Variants in CDC42BPA observed in about 807,000 individuals in gnomAD.
CDC42BPA encodes the protein CDC42 binding protein kinase alpha.
Under a neutral mutation model 223.5 loss-of-function variants are expected in CDC42BPA, and 80 were observed. That is an observed-to-expected ratio of 0.36 (90% confidence interval 0.30 to 0.43). The LOEUF is 0.43. Ranked by LOEUF, CDC42BPA falls within the 20% of genes least tolerant of loss-of-function variation. CDC42BPA has a pLI of 1.00. For missense variants in CDC42BPA, 1,743 were observed against 2,099.9 expected, an observed-to-expected ratio of 0.83 and a Z score of 3.32; for synonymous variants, 694 against 718.6, an observed-to-expected ratio of 0.97 and a Z score of 0.55.
chr1:227,116,069 C>G (rs1306989595), intron 12 of CDC42BPA, among the ~76,000 whole-genome samples: 2 of 152,142 alleles, frequency 1.3e-5, no homozygotes, highest in Non-Finnish European at 2.9e-5. Flanking sequence ...TGCTTGGTCT[C>G]ACCATTCATA....
At chr1:227,080,358 A>C (rs1225799170) in intron 17 of CDC42BPA, among the ~76,000 whole-genome samples, 1 of 152,196 alleles carries the variant, frequency 6.6e-6, no homozygotes, top group Non-Finnish European at 1.5e-5. Flanking sequence ...AAGGTTACTA[A>C]GATGAATATT....
intron 5 of CDC42BPA, among the ~76,000 whole-genome samples, chr1:227,187,689 CAAA>C (rs57854182): frequency 2.1e-4 from 12 of 56,204 alleles, no homozygotes; most frequent in African/African-American, 7.2e-4. Context: ...ACCCCCCCCC[CAAA>C]AAAAAAAAAC....
At chr1:227,102,976 A>C (rs987807993) in intron 14 of CDC42BPA, among the ~76,000 whole-genome samples, 28 of 151,886 alleles carry the variant, frequency 1.8e-4, no homozygotes, top group Non-Finnish European at 2.8e-4. Flanking sequence ...CATAAAAAAA[A>C]CCAGTAATTC....
At chr1:227,137,786 T>C (rs1658886347) in intron 10 of CDC42BPA, among the ~76,000 whole-genome samples, 1 of 152,016 alleles carries the variant, frequency 6.6e-6, no homozygotes, top group Non-Finnish European at 1.5e-5. Flanking sequence ...ATACCATTTA[T>C]ATGAAGATCA....
intron 3 of CDC42BPA, 26 bp downstream of exon 3, chr1:227,213,110 T>G (rs1431180880): frequency 1.0e-5 from 11 of 1,057,280 alleles, no homozygotes; most frequent in African/African-American, 3.2e-5. Context: ...AAAATATTTA[T>G]ATATTCCAAT....
intron 11 of CDC42BPA, among the ~76,000 whole-genome samples, chr1:227,124,976 T>C (rs1031815812): frequency 2.6e-5 from 4 of 152,136 alleles, no homozygotes; most frequent in Non-Finnish European, 4.4e-5. Context: ...CTCAGGACAC[T>C]GGGACCTGAT....
At chr1:227,064,814 C>T (rs1391401795) in intron 21 of CDC42BPA, among the ~76,000 whole-genome samples, 2 of 152,152 alleles carry the variant, frequency 1.3e-5, no homozygotes, top group Admixed American at 6.5e-5. Flanking sequence ...TAACTCAAAC[C>T]CAGTCAGGCA....
intron 1 of CDC42BPA, among the ~76,000 whole-genome samples, chr1:227,304,094 T>C (rs1374107079): frequency 6.6e-6 from 1 of 152,204 alleles, no homozygotes; most frequent in Admixed American, 6.5e-5. Context: ...AATAAATGAC[T>C]ACTCATATAA....
intron 6 of CDC42BPA, among the ~76,000 whole-genome samples, chr1:227,149,805 T>C (rs1010211660): frequency 3.3e-5 from 5 of 152,104 alleles, no homozygotes; most frequent in African/African-American, 1.2e-4. Context: ...ATGGACAAGT[T>C]CAACATAGTA....
intron 32 of CDC42BPA, among the ~76,000 whole-genome samples, chr1:227,022,567 T>A (rs1203615570): frequency 6.6e-6 from 1 of 152,242 alleles, no homozygotes; most frequent in East Asian, 1.9e-4. Flanking sequence ...AAAATGACTT[T>A]ATTATATAGA....
chr1:227,042,092 A>T (rs1671484839), intron 23 of CDC42BPA, among the ~76,000 whole-genome samples: 1 of 152,112 alleles, frequency 6.6e-6, no homozygotes, highest in Non-Finnish European at 1.5e-5. Flanking sequence ...AATGCAAAAG[A>T]CGTGAAGTTA....
chr1:227,213,900 C>G (rs1188682687), intron 2 of CDC42BPA, among the ~76,000 whole-genome samples: 1 of 152,092 alleles, frequency 6.6e-6, no homozygotes, highest in Non-Finnish European at 1.5e-5. Context: ...CAAAAACTAT[C>G]AAATACAATA....
intron 5 of CDC42BPA, among the ~76,000 whole-genome samples, chr1:227,188,115 T>C (rs1288166566): frequency 6.6e-6 from 1 of 152,136 alleles, no homozygotes; most frequent in African/African-American, 2.4e-5. Context: ...ATAAAAACTT[T>C]TACCTTTTAT....
chr1:227,168,069 G>A (rs1456123410), intron 5 of CDC42BPA, among the ~76,000 whole-genome samples: 5 of 151,918 alleles, frequency 3.3e-5, no homozygotes, highest in South Asian at 4.2e-4. Flanking sequence ...GGGATTACAG[G>A]TGCCCGCCAC....
intron 11 of CDC42BPA, among the ~76,000 whole-genome samples, chr1:227,124,732 T>C (rs1571808484): frequency 1.3e-5 from 2 of 152,084 alleles, no homozygotes; most frequent in South Asian, 2.1e-4. Flanking sequence ...TGTATTAGAA[T>C]TGAGAAATTT....
intron 5 of CDC42BPA, among the ~76,000 whole-genome samples, chr1:227,168,497 G>GTTTGTTTTTTTTTTTTTT: frequency 1.2e-5 from 1 of 80,208 alleles, no homozygotes; most frequent in East Asian, 3.4e-4. Context: ...CTTCCCTGGT[G>GTTTGTTTTTTTTTTTTTT]TTTTTTTTTT....
At chr1:227,254,015 C>T (rs767589414) in intron 2 of CDC42BPA, 49 bp downstream of exon 2, 1 of 1,007,382 alleles carries the variant, frequency 9.9e-7, no homozygotes, top group Admixed American at 1.9e-5. Context: ...TTGTGTTCAA[C>T]AGCTTCCAAA....
At chr1:227,272,840 T>G (rs991303760) in intron 1 of CDC42BPA, among the ~76,000 whole-genome samples, 6 of 152,212 alleles carry the variant, frequency 3.9e-5, no homozygotes, top group Non-Finnish European at 5.9e-5. Context: ...AATTGAGAGA[T>G]ATGGTTTCAG....
intron 1 of CDC42BPA, among the ~76,000 whole-genome samples, chr1:227,266,696 A>G (rs1191832510): frequency 2.0e-5 from 3 of 152,230 alleles, no homozygotes; most frequent in Non-Finnish European, 1.5e-5. Flanking sequence ...TTAGGCTATC[A>G]GAATAGGACT....
Sources: gnomAD v4.1 joint callset for allele counts (sites outside exome capture counted in the v4.1 genomes callset) on GRCh38, gnomAD v4.1.1 for gene constraint, MANE v1.5 for transcripts, NCBI Gene and HGNC (gene_info 2026-07-23, HGNC 2026-07-21) for gene names.